The following CDH13 variants were observed in gnomAD, a reference collection of about 807,000 sequenced individuals.
The protein encoded by CDH13 is cadherin 13.
Under a neutral mutation model 63.8 loss-of-function variants are expected in CDH13, and 24 were observed. That is an observed-to-expected ratio of 0.38 (90% CI 0.27 to 0.53). The LOEUF is 0.53. Among genes scored for constraint, CDH13 ranks in the 20% least tolerant of loss-of-function variants. The pLI is 0.85. For missense variants in CDH13, 1,049 were observed against 903.1 expected, an observed-to-expected ratio of 1.16 and a Z score of -2.07; for synonymous variants, 503 against 355.3, an observed-to-expected ratio of 1.42 and a Z score of -4.67.
At chr16:83,612,040 A>G (rs1908905252) in intron 8 of CDH13, among the ~76,000 whole-genome samples, 1 of 152,018 alleles carries the variant, frequency 6.6e-6, no homozygotes, top group African/African-American at 2.4e-5. Context: ...AAGGTTTACA[A>G]TTTTGTTGTT....
At chr16:83,727,739 G>A (rs1221057232) in intron 10 of CDH13, among the ~76,000 whole-genome samples, 1 of 152,140 alleles carries the variant, frequency 6.6e-6, no homozygotes, top group Admixed American at 6.5e-5. Context: ...TGTGTGTTCA[G>A]GACAGGAGGA....
At chr16:83,179,230 T>C (rs2151741545) in intron 4 of CDH13, among the ~76,000 whole-genome samples, 1 of 152,210 alleles carries the variant, frequency 6.6e-6, no homozygotes, top group East Asian at 1.9e-4. Context: ...GAAATCCACA[T>C]TTCCCAGAAG....
At chr16:83,356,226 G>A (rs879544904) in intron 6 of CDH13, among the ~76,000 whole-genome samples, 11,963 of 89,816 alleles carry the variant, frequency 0.13, 656 homozygotes, top group Non-Finnish European at 0.18. Context: ...GTGTGTGTGT[G>A]TGTGTGTGTG....
chr16:83,499,453 C>T (rs997879678), intron 7 of CDH13, among the ~76,000 whole-genome samples: 1 of 152,204 alleles, frequency 6.6e-6, no homozygotes, highest in African/African-American at 2.4e-5. Flanking sequence ...TTAACTTCAC[C>T]TTTCACCAGC....
chr16:83,766,228 TGAATTTAGAC>T (rs1297136291), intron 11 of CDH13, among the ~76,000 whole-genome samples: 3 of 152,200 alleles, frequency 2.0e-5, no homozygotes, highest in African/African-American at 7.2e-5. Flanking sequence ...AGGAAGGATT[TGAATTTAGAC>T]AGAGCCACTA....
At chr16:83,735,242 C>T (rs1420827726) in intron 10 of CDH13, 1 of 152,132 alleles carries the variant, frequency 6.6e-6, no homozygotes, top group Non-Finnish European at 1.5e-5. Context: ...AAGAGATTGT[C>T]TTTCCTAACC....
chr16:83,180,161 T>G (rs911999862), intron 4 of CDH13, among the ~76,000 whole-genome samples: 3 of 151,960 alleles, frequency 2.0e-5, no homozygotes, highest in African/African-American at 2.4e-5. Context: ...GTTGTTGGTT[T>G]GTTTGTTTGT....
chr16:83,548,438 G>C (rs914261060), intron 7 of CDH13, among the ~76,000 whole-genome samples: 5 of 152,168 alleles, frequency 3.3e-5, no homozygotes, highest in Non-Finnish European at 7.3e-5. Flanking sequence ...CAACAGCAAA[G>C]CTTTATCTGG....
chr16:83,460,160 G>A (rs1400914552), intron 6 of CDH13, among the ~76,000 whole-genome samples: 1 of 152,156 alleles, frequency 6.6e-6, no homozygotes, highest in Non-Finnish European at 1.5e-5. Flanking sequence ...ACACTCATTG[G>A]CCATTGCTAA....
chr16:83,317,946 T>G (rs77605345), intron 5 of CDH13, among the ~76,000 whole-genome samples: 2,768 of 152,280 alleles, frequency 0.018, 40 homozygotes, highest in African/African-American at 0.042. Context: ...CAAGTTTTAC[T>G]TCACATCCTT....
intron 10 of CDH13, among the ~76,000 whole-genome samples, chr16:83,730,538 G>A (rs1047699682): frequency 8.5e-5 from 13 of 152,186 alleles, no homozygotes; most frequent in African/African-American, 3.1e-4. Flanking sequence ...ACAATTCGAT[G>A]AAAAGTTCAA....
intron 2 of CDH13, among the ~76,000 whole-genome samples, chr16:82,859,883 C>T (rs1377119630): frequency 1.3e-5 from 2 of 152,140 alleles, no homozygotes; most frequent in African/African-American, 2.4e-5. Flanking sequence ...GATGAAATGA[C>T]GCCAATGAAA....
intron 2 of CDH13, among the ~76,000 whole-genome samples, chr16:82,966,802 C>G (rs999097410): frequency 2.0e-5 from 3 of 152,294 alleles, no homozygotes; most frequent in African/African-American, 7.2e-5. Flanking sequence ...TTCCCCTCAT[C>G]TTCAGTGTGA....
chr16:83,291,196 A>G (rs888651925), intron 5 of CDH13, among the ~76,000 whole-genome samples: 3 of 152,206 alleles, frequency 2.0e-5, no homozygotes, highest in African/African-American at 2.4e-5. Context: ...GAATTAATGG[A>G]TAAGTGGATA....
At chr16:83,481,013 A>G (rs2073748054) in intron 6 of CDH13, among the ~76,000 whole-genome samples, 1 of 152,184 alleles carries the variant, frequency 6.6e-6, no homozygotes, top group African/African-American at 2.4e-5. Context: ...CTATTAGATC[A>G]TTCGGTCACA....
At chr16:83,550,970 C>G (rs182278631) in intron 7 of CDH13, among the ~76,000 whole-genome samples, 1 of 152,168 alleles carries the variant, frequency 6.6e-6, no homozygotes, top group Non-Finnish European at 1.5e-5. Context: ...TGTCTTCTTT[C>G]TCTGAAGCCA....
chr16:83,618,292 G>T (rs1003841396), intron 8 of CDH13, among the ~76,000 whole-genome samples: 4 of 152,080 alleles, frequency 2.6e-5, no homozygotes, highest in Non-Finnish European at 5.9e-5. Flanking sequence ...AGGCATGGTG[G>T]CATGTGCCTG....
In CDH13 at chr16:83,232,545, C is replaced by CAAAAA. The variant is rs371820662; in HGVS notation, c.636+15051_636+15052insAAAAA. On this transcript the variant is annotated intron_variant, in intron 5 of 13. Transcript: ENST00000567109. The stretch of plus-strand genomic sequence containing the variant: ...TCTCAAAAAACGACAACAACAACAA[C>CAAAAA]AAACAAACAAAAAAAAAAAAAAGTG... Among the ~76,000 whole-genome samples the CAAAAA allele has an allele frequency of 1.9e-4, 21 of 107,986 alleles. 1 individual carries two copies. Among genetic ancestry groups the CAAAAA allele is most frequent in the African/African-American group, 5.3e-4 (14 of 26,598 alleles). The allele number at this position is 107,986 out of a possible 152,430, so 70.8% of individuals were successfully genotyped here.
intron 1 of CDH13, among the ~76,000 whole-genome samples, chr16:82,770,882 T>C (rs2035235230): frequency 6.6e-6 from 1 of 152,094 alleles, no homozygotes; most frequent in Non-Finnish European, 1.5e-5. Context: ...TAATGTTTTG[T>C]ATTTTAGTAG....
Sources: gnomAD v4.1 joint callset for allele counts (sites outside exome capture counted in the v4.1 genomes callset) on GRCh38, gnomAD v4.1.1 for gene constraint, MANE v1.5 for transcripts, NCBI Gene and HGNC (gene_info 2026-07-23, HGNC 2026-07-21) for gene names.